Variants in CDKL5 observed in about 807,000 individuals in gnomAD.
CDKL5 encodes cyclin-dependent kinase-like 5.
CDKL5 carries 8 observed loss-of-function variants against 61.7 expected under a neutral mutation model. The observed-to-expected ratio is 0.13, with a 90% CI of 0.08 to 0.23. The LOEUF is 0.23. CDKL5 is among the 10% of genes least tolerant of loss of function. CDKL5 has a pLI of 1.00. For missense variants in CDKL5, 440 were observed against 734.5 expected, an observed-to-expected ratio of 0.60 and a Z score of 4.63; for synonymous variants, 275 against 272.3, an observed-to-expected ratio of 1.01 and a Z score of -0.10.
chrX:18,600,321 G>T (rs1480530032), intron 11 of CDKL5, among the ~76,000 whole-genome samples: 1 of 111,722 alleles, frequency 9.0e-6, no homozygotes, highest in African/African-American at 3.3e-5. Flanking sequence ...GGCTTTCTTT[G>T]TTTGTTGCCA....
In CDKL5 at chrX:18,632,484, T is replaced by G; in HGVS notation, c.*3727T>G. The G allele has an allele frequency of 1.3e-6, 1 of 754,461 alleles. No homozygotes were observed. Among genetic ancestry groups the G allele is most frequent in the Non-Finnish European group, 1.6e-6 (1 of 639,376 alleles). 62.2% of individuals were successfully genotyped at this position (754,461 alleles called of 1,213,427 possible). Reference sequence around the variant, plus strand: ...CTGTGTCTCCCGAAAGAAAATGTCTTTGTTTTTTATTCAAGTCATTTAATA... The same window carrying G: ...CTGTGTCTCCCGAAAGAAAATGTCTGTGTTTTTTATTCAAGTCATTTAATA... On this transcript the variant is annotated 3_prime_UTR_variant, in exon 18 of 18. Coordinates refer to ENST00000623535, the MANE Select transcript of CDKL5 (RefSeq NM_001323289.2).
intron 4 of CDKL5, among the ~76,000 whole-genome samples, chrX:18,564,837 T>TATG (rs1475483454): frequency 9.0e-6 from 1 of 111,295 alleles, no homozygotes; most frequent in East Asian, 2.8e-4. Flanking sequence ...TTTATGCTGT[T>TATG]TCTAAATATT....
chrX:18,591,008 T>G (rs1234858475), intron 9 of CDKL5, among the ~76,000 whole-genome samples: 1 of 110,528 alleles, frequency 9.0e-6, no homozygotes, highest in Non-Finnish European at 1.9e-5. Context: ...CATTCCAGGG[T>G]TTTTCCAGTT....
chrX:18,426,393 A>G (rs952562420), intron 1 of CDKL5: 22 of 112,843 alleles, frequency 1.9e-4, no homozygotes, highest in African/African-American at 7.1e-4. Context: ...CGTCTCCCAG[A>G]ACGAACAGGT....
In CDKL5 at chrX:18,650,341, G is replaced by A. The variant is rs1602315411; in HGVS notation, c.2798-69G>A. 6.7e-6 allele frequency: 7 copies of A among 1,050,989 alleles called. No individual in the cohort carries two copies. In the South Asian group the frequency reaches 9.3e-5, roughly 14 times the overall value. 86.6% of individuals were successfully genotyped at this position (1,050,989 alleles called of 1,213,427 possible). A position where few individuals can be genotyped will look rare whatever the true frequency, so the allele number is the denominator to read the frequency against. On this transcript the variant is annotated intron_variant, in intron 20 of 21. Coordinates refer to the CDKL5 transcript ENST00000379989. ...CTCACTGTCACCTTGGCTTCAGCTG[G>A]TGTCTGGGAGCCGATGCCTGCCTCC...
intron 3 of CDKL5, among the ~76,000 whole-genome samples, chrX:18,554,508 C>G (rs753581645): frequency 9.6e-6 from 1 of 104,104 alleles, no homozygotes; most frequent in African/African-American, 3.5e-5. Flanking sequence ...CTCCACCTTG[C>G]GGGTTCAAGT....
chrX:18,609,546 A>G lies in CDKL5; in HGVS notation c.2128A>G (p.Arg710Gly). The stretch of plus-strand genomic sequence containing the variant: ...ACACCTATACAATGATCCTGTGCCA[A>G]GGAGAGTTGGTAGCTTTTACAGAGG... ...NRHLYNDPVP[R>G]RVGSFYRVPS... is the part of the protein sequence containing the mutation. The change falls in exon 14 of 18, where the codon AGG (arginine) becomes GGG (glycine). Residue 710 changes from arginine (R) to glycine (G), a missense_variant. Arg to Gly is a moderately radical substitution (Grantham distance 125). Around this residue, in one of 2 missense-constraint regions of CDKL5, gnomAD observed 363 missense variants for 516.3 expected, o/e 0.70. Coordinates refer to ENST00000623535, the MANE Select transcript of CDKL5 (RefSeq NM_001323289.2). 1.7e-6 allele frequency: 2 copies of G among 1,211,662 alleles called. No individual in the cohort carries two copies. Among genetic ancestry groups the G allele is most frequent in the South Asian group, 3.5e-5 (2 of 56,991 alleles).
At chrX:18,470,828 C>G (rs1185447596) in intron 1 of CDKL5, among the ~76,000 whole-genome samples, 1 of 112,022 alleles carries the variant, frequency 8.9e-6, no homozygotes, top group Admixed American at 9.5e-5. Context: ...AAGGCTGTTT[C>G]CTCCGTGTAG....
chrX:18,463,347 T>C (rs1286286369), intron 1 of CDKL5, among the ~76,000 whole-genome samples: 1 of 111,699 alleles, frequency 9.0e-6, no homozygotes, highest in Non-Finnish European at 1.9e-5. Context: ...ATTCAGGTAC[T>C]TGAGGGGACA....
intron 17 of CDKL5, among the ~76,000 whole-genome samples, chrX:18,625,805 A>G (rs1569224756): frequency 2.7e-5 from 3 of 112,083 alleles, no homozygotes; most frequent in Non-Finnish European, 5.6e-5. Flanking sequence ...ATGGAGGAAT[A>G]AGCAGAAACT....
chrX:18,463,889 T>C (rs1932343640), intron 1 of CDKL5, among the ~76,000 whole-genome samples: 1 of 112,006 alleles, frequency 8.9e-6, no homozygotes, highest in African/African-American at 3.2e-5. Context: ...TCCTTTAAAA[T>C]AGGCAGCTAG....
intron 9 of CDKL5, among the ~76,000 whole-genome samples, chrX:18,594,031 G>A (rs1240408126): frequency 2.7e-5 from 3 of 112,368 alleles, no homozygotes; most frequent in African/African-American, 6.5e-5. Context: ...CAGGGTTTGG[G>A]TCTTACCTGT....
intron 3 of CDKL5, among the ~76,000 whole-genome samples, chrX:18,529,619 C>A (rs1448553497): frequency 9.0e-6 from 1 of 110,843 alleles, no homozygotes; most frequent in African/African-American, 3.3e-5. Context: ...GATCATTTCA[C>A]TGAGTAACTT....
intron 19 of CDKL5, among the ~76,000 whole-genome samples, chrX:18,645,418 A>G (rs1209794593): frequency 9.1e-6 from 1 of 110,192 alleles, no homozygotes; most frequent in Admixed American, 9.7e-5. Flanking sequence ...ACACGTCCCA[A>G]TGTGAGCCCC....
chrX:18,456,509 T>A (rs188321074), intron 1 of CDKL5, among the ~76,000 whole-genome samples: 1 of 112,502 alleles, frequency 8.9e-6, no homozygotes, highest in Non-Finnish European at 1.9e-5. Flanking sequence ...CTGTGCTATG[T>A]CTACAGAGTT....
intron 3 of CDKL5, among the ~76,000 whole-genome samples, chrX:18,513,025 T>C: frequency 9.0e-6 from 1 of 111,556 alleles, no homozygotes; most frequent in Admixed American, 9.6e-5. Context: ...CTTACATATG[T>C]ACATACACAT....
chrX:18,547,270 G>A (rs1210981672), intron 3 of CDKL5, among the ~76,000 whole-genome samples: 1 of 112,212 alleles, frequency 8.9e-6, no homozygotes, highest in Non-Finnish European at 1.9e-5. Flanking sequence ...TGTGACATGA[G>A]CAAGGGAGCT....
chrX:18,468,249 G>A (rs1920981180), intron 1 of CDKL5, among the ~76,000 whole-genome samples: 1 of 112,362 alleles, frequency 8.9e-6, no homozygotes, highest in Admixed American at 9.5e-5. Context: ...TAAAGGAATT[G>A]ATTCACAGTG....
intron 21 of CDKL5, among the ~76,000 whole-genome samples, chrX:18,651,644 C>T (rs993873658): frequency 1.8e-5 from 2 of 111,211 alleles, no homozygotes; most frequent in African/African-American, 3.3e-5. Context: ...CTCGCAAGCT[C>T]GTGGGGGGTT....
Sources: allele counts gnomAD v4.1 joint callset (sites outside exome capture counted in the v4.1 genomes callset), GRCh38; gene constraint gnomAD v4.1.1; regional missense constraint gnomAD v4.1.1; transcripts MANE v1.5; gene names NCBI Gene and HGNC (gene_info 2026-07-23, HGNC 2026-07-21).